The following RIPOR2 variants were observed in gnomAD, a reference collection of about 807,000 sequenced individuals.
RIPOR2 encodes rho family-interacting cell polarization regulator 2.
In RIPOR2, 39 loss-of-function variants were observed where a neutral mutation model predicts 114.5. The ratio of observed to expected loss-of-function variants is 0.34; its 90% CI spans 0.26 to 0.44. The LOEUF (loss-of-function observed/expected upper bound fraction) is 0.44, where lower values mean the gene tolerates loss of function less well. Among genes scored for constraint, RIPOR2 ranks in the 20% least tolerant of loss-of-function variants. The pLI, the probability that RIPOR2 is intolerant of heterozygous loss-of-function variation, is 1.00. For missense variants in RIPOR2, 1,007 were observed against 1,255.1 expected (o/e 0.80, Z 2.99); for synonymous variants, 445 against 484.4 (o/e 0.92, Z 1.07).
chr6:24,896,733 T>A (rs1481980682), intron 1 of RIPOR2, among the ~76,000 whole-genome samples: 3 of 152,084 alleles, frequency 2.0e-5, no homozygotes, highest in East Asian at 1.9e-4. Flanking sequence ...TGAAACCCCA[T>A]CTCTACTAAA....
chr6:24,935,916 C>T lies in RIPOR2; in HGVS notation c.-18G>A, dbSNP rs1771776839. The T allele has an allele frequency of 3.3e-6, 5 of 1,530,380 alleles. No individual in the cohort carries two copies. Among genetic ancestry groups the T allele is most frequent in the African/African-American group, 2.7e-5 (2 of 72,886 alleles). The allele number at this position is 1,530,380 out of a possible 1,614,324, so 94.8% of individuals were successfully genotyped here. On this transcript the variant is annotated 5_prime_UTR_variant, in exon 1 of 22. Transcript: ENST00000643898. ...AACTGCATCTTGGAGAGGACAGGCG[C>T]GAGAAGCAGCAGGCAGCAGCCCCGG...
chr6:24,879,059 G>A lies in RIPOR2; in HGVS notation c.62-3242C>T, dbSNP rs563782640. Among the ~76,000 whole-genome samples, 18 of 138,982 alleles carry A rather than the reference G, an allele frequency of 1.3e-4. 4 individuals are homozygous for A. The South Asian group carries it at 3.6e-3, about 28-fold the overall frequency. The allele number at this position is 138,982 out of a possible 152,430, so 91.2% of individuals were successfully genotyped here. On this transcript the variant is annotated intron_variant, in intron 1 of 21. Coordinates refer to ENST00000643898, the MANE Select transcript of RIPOR2 (RefSeq NM_001286445.3). ...TCAGAAACTTTTCATTAAATGTATG[G>A]TTGGGTGCAGTGGCTCATGCCTGTA... is the stretch of plus-strand genomic sequence containing the variant.
intron 1 of RIPOR2, among the ~76,000 whole-genome samples, chr6:25,026,353 G>A (rs9356955): frequency 0.21 from 31,930 of 152,082 alleles, 4,131 homozygotes; most frequent in East Asian, 0.59. Context: ...AGGTCTCACT[G>A]ATTGGGATTT....
chr6:24,890,552 A>G (rs976521497), intron 1 of RIPOR2, among the ~76,000 whole-genome samples: 2 of 152,152 alleles, frequency 1.3e-5, no homozygotes, highest in African/African-American at 4.8e-5. Context: ...GATACCATGT[A>G]TGTTATTTGG....
chr6:24,936,835 G>T (rs1183818319), upstream of RIPOR2, among the ~76,000 whole-genome samples: 1 of 152,208 alleles, frequency 6.6e-6, no homozygotes, highest in African/African-American at 2.4e-5. Context: ...CCACTGTGTT[G>T]TAAGATCTCT....
intron 1 of RIPOR2, among the ~76,000 whole-genome samples, chr6:24,895,416 T>C (rs1767765647): frequency 6.7e-6 from 1 of 149,538 alleles, no homozygotes; most frequent in Non-Finnish European, 1.5e-5. Context: ...TAGTCTGGGG[T>C]GGGGCCTGGG....
intron 1 of RIPOR2, among the ~76,000 whole-genome samples, chr6:24,948,731 A>G (rs1772593023): frequency 6.6e-6 from 1 of 152,086 alleles, no homozygotes; most frequent in South Asian, 2.1e-4. Context: ...GGGTTTCTCC[A>G]TGTTGGTCAG....
intron 1 of RIPOR2, among the ~76,000 whole-genome samples, chr6:25,022,325 A>G (rs887082525): frequency 6.6e-6 from 1 of 152,052 alleles, no homozygotes; most frequent in Non-Finnish European, 1.5e-5. Context: ...ATCATACAGT[A>G]TGTAGGCTTT....
At chr6:24,880,934 A>G (rs1766284945) in intron 1 of RIPOR2, among the ~76,000 whole-genome samples, 1 of 152,232 alleles carries the variant, frequency 6.6e-6, no homozygotes, top group Non-Finnish European at 1.5e-5. Flanking sequence ...CTATTAAGCA[A>G]GAAATCCCAC....
intron 1 of RIPOR2, among the ~76,000 whole-genome samples, chr6:24,965,785 T>C (rs371200694): frequency 1.3e-5 from 2 of 152,346 alleles, no homozygotes; most frequent in East Asian, 1.9e-4. Context: ...ATGAAAACAC[T>C]ATTTTTATTT....
At chr6:24,911,261 A>C (rs992691783) in intron 1 of RIPOR2, 4 of 152,148 alleles carry the variant, frequency 2.6e-5, no homozygotes, top group African/African-American at 9.7e-5. Flanking sequence ...CTTCCAGCTG[A>C]TCGCCGGCAC....
chr6:24,917,386 G>T (rs2114094166), intron 1 of RIPOR2, among the ~76,000 whole-genome samples: 1 of 152,260 alleles, frequency 6.6e-6, no homozygotes, highest in Admixed American at 6.5e-5. Context: ...AAAGTAAATG[G>T]CATACATTTA....
chr6:24,951,527 G>T (rs1772762507), intron 1 of RIPOR2, among the ~76,000 whole-genome samples: 1 of 152,180 alleles, frequency 6.6e-6, no homozygotes, highest in Non-Finnish European at 1.5e-5. Flanking sequence ...AAGCAACTGT[G>T]CTTATAACAA....
At chr6:24,938,790 G>A (rs890944695), upstream of RIPOR2, among the ~76,000 whole-genome samples, 13 of 152,142 alleles carry the variant, frequency 8.5e-5, no homozygotes, top group African/African-American at 2.9e-4. Context: ...CTCCTTGAAA[G>A]CACAGAGGAT....
intron 21 of RIPOR2, among the ~76,000 whole-genome samples, chr6:24,807,051 T>A (rs528496221): frequency 6.6e-6 from 1 of 152,366 alleles, no homozygotes; most frequent in South Asian, 2.1e-4. Context: ...AATGTTTTGT[T>A]CTATTTTTCT....
rs749106403 is a variant in RIPOR2 at position 24,873,753 on chromosome 6, C to A, written c.235G>T (p.Ala79Ser). ...ENSSALKKPQ[A>S]KLKKMHNLGH... ...AAATTGTGCATTTTCTTCAGTTTGG[C>A]CTGAGGCTTCTTGAGAGCGGAGGAA... The change falls in exon 3 of 22, where the codon GCC (alanine) becomes TCC (serine). Residue 79 changes from alanine to serine, a missense_variant. Transcript: ENST00000643898. 1.2e-6 allele frequency: 2 copies of A among 1,613,190 alleles called. No individual in the cohort carries two copies. Among genetic ancestry groups the A allele is most frequent in the Admixed American group, 1.7e-5 (1 of 59,850 alleles).
In RIPOR2 at chr6:24,809,806, G is replaced by C. The variant is rs369225453; in HGVS notation, c.2954C>G (p.Ala985Gly). ...CACCAGCATTTTAATGCTTTCAGTA[G>C]CCTATGGGGGAAAAATAGGTTAAAT... Reference protein sequence around the residue: ...AACLALKILEATESIKMLVTL... With the variant: ...AACLALKILEGTESIKMLVTL... Residue 985 changes from alanine (A) to glycine (G), a missense_variant and splice_region_variant, in exon 21 of 22, where the codon GCT becomes GGT. By Grantham distance (60) the Ala-to-Gly change is moderately conservative. Transcript: ENST00000643898. 12 of 1,537,480 alleles carry C rather than the reference G, an allele frequency of 7.8e-6. No homozygotes were observed. The highest frequency in any genetic ancestry group is 1.1e-5 in the Non-Finnish European group (12 of 1,134,204).
At chr6:24,830,366 T>C (rs1281883033) in intron 17 of RIPOR2, 143 bp downstream of exon 17, 3 of 644,162 alleles carry the variant, frequency 4.7e-6, no homozygotes, top group East Asian at 2.8e-5. Flanking sequence ...CCCTGGACAG[T>C]ACACTTCTTT....
chr6:24,868,793 T>G (rs1238472518), intron 6 of RIPOR2, among the ~76,000 whole-genome samples: 5 of 152,202 alleles, frequency 3.3e-5, no homozygotes, highest in Admixed American at 2.0e-4. Flanking sequence ...TAGGGCTAGT[T>G]TGATTGATAG....
Sources: gnomAD v4.1 joint callset for allele counts (sites outside exome capture counted in the v4.1 genomes callset) on GRCh38, gnomAD v4.1.1 for gene constraint, MANE v1.5 for transcripts, NCBI Gene and HGNC (gene_info 2026-07-23, HGNC 2026-07-21) for gene names.